Variants in IFT80 observed in about 807,000 individuals in gnomAD.
The protein encoded by IFT80 is intraflagellar transport 80.
In IFT80, 79 loss-of-function variants were observed where a neutral mutation model predicts 107.9. That is an observed-to-expected ratio of 0.73 (90% CI 0.61 to 0.88). The LOEUF (loss-of-function observed/expected upper bound fraction) is 0.88, where lower values mean the gene tolerates loss of function less well. IFT80 is among the 40% of genes least tolerant of loss of function. IFT80 has a pLI of 0.00. For synonymous variants in IFT80, 299 were observed against 300.9 expected (o/e 0.99, Z 0.07); for missense variants, 797 against 914.2 (o/e 0.87, Z 1.65).
Position 160,317,849 on chromosome 3 carries a change from G to T in IFT80, c.957+1911C>A, listed in dbSNP as rs536122381. On this transcript the variant is annotated intron_variant, in intron 9 of 19. Coordinates refer to ENST00000326448, the MANE Select transcript of IFT80 (RefSeq NM_020800.3). ...GAAGGGGACTCTTCAGACCAAAAGA[G>T]ACTTAAAAGATACATCAGCCATTGC... 1.2e-4 allele frequency among the ~76,000 whole-genome samples: 18 copies of T among 152,068 alleles called. No individual in the cohort carries two copies. In the South Asian group the frequency reaches 3.5e-3, roughly 30 times the overall value.
intron 8 of IFT80, among the ~76,000 whole-genome samples, chr3:160,334,322 T>C (rs1719303196): frequency 6.6e-6 from 1 of 152,154 alleles, no homozygotes; most frequent in Non-Finnish European, 1.5e-5. Context: ...ATGTTATTAG[T>C]TGATAATTGT....
At chr3:160,262,109 A>G (rs1712892744) in intron 19 of IFT80, among the ~76,000 whole-genome samples, 2 of 152,076 alleles carry the variant, frequency 1.3e-5, no homozygotes, top group Non-Finnish European at 2.9e-5. Context: ...TATTGATGGG[A>G]GAGATAGGTG....
intron 8 of IFT80, among the ~76,000 whole-genome samples, chr3:160,346,159 TAGAC>T (rs1194116400): frequency 2.6e-5 from 4 of 152,198 alleles, no homozygotes; most frequent in South Asian, 4.1e-4. Flanking sequence ...AAGTTTCAGT[TAGAC>T]AGGACAGAAA....
intron 1 of IFT80, among the ~76,000 whole-genome samples, chr3:160,395,054 G>A (rs1161955042): frequency 1.3e-5 from 2 of 152,168 alleles, no homozygotes; most frequent in Non-Finnish European, 2.9e-5. Flanking sequence ...AATGCTCACA[G>A]TATTATTTAA....
In IFT80 at chr3:160,319,795, A is replaced by T; in HGVS notation, c.922T>A (p.Phe308Ile). The T allele has an allele frequency of 6.2e-7, 1 of 1,613,000 alleles. No homozygotes were observed. The highest frequency in any genetic ancestry group is 8.5e-7 in the Non-Finnish European group (1 of 1,179,246). The change falls in exon 9 of 20, where the codon TTT (phenylalanine) becomes ATT (isoleucine). Residue 308 changes from phenylalanine to isoleucine, a missense_variant. Coordinates refer to ENST00000326448, the MANE Select transcript of IFT80 (RefSeq NM_020800.3). Reference protein sequence around the residue: ...VVEQHWEWKNFQVTLTKRRAM... With the variant: ...VVEQHWEWKNIQVTLTKRRAM... ...CTTCTTTTCGTTAATGTTACTTGAA[A>T]ATTTTTCCACTCCCAATGTTGTTCC...
chr3:160,387,247 T>A (rs2108413330), intron 1 of IFT80, among the ~76,000 whole-genome samples: 1 of 152,342 alleles, frequency 6.6e-6, no homozygotes, highest in South Asian at 2.1e-4. Context: ...GGCTCACGCC[T>A]GTAATCCCAG....
intron 18 of IFT80, among the ~76,000 whole-genome samples, chr3:160,276,295 C>T (rs1714261722): frequency 6.6e-6 from 1 of 151,676 alleles, no homozygotes; most frequent in Non-Finnish European, 1.5e-5. Flanking sequence ...GATCATTAGC[C>T]ATAAATTAAA....
intron 12 of IFT80, among the ~76,000 whole-genome samples, chr3:160,293,202 AT>A (rs1408032880): frequency 6.6e-6 from 1 of 152,254 alleles, no homozygotes; most frequent in Non-Finnish European, 1.5e-5. Flanking sequence ...ACATGAAAAG[AT>A]GAAGCCATAT....
intron 1 of IFT80, among the ~76,000 whole-genome samples, chr3:160,389,127 C>G (rs1338123025): frequency 2.6e-5 from 4 of 151,960 alleles, no homozygotes. Context: ...TGGGTGGGAC[C>G]AAGAATTAAA....
At chr3:160,293,896 G>A (rs531366270) in intron 12 of IFT80, among the ~76,000 whole-genome samples, 1 of 152,244 alleles carries the variant, frequency 6.6e-6, no homozygotes, top group Admixed American at 6.5e-5. Flanking sequence ...GTATTCTCTA[G>A]ACACCAAAAC....
chr3:160,318,445 G>C (rs1717977454), intron 9 of IFT80, among the ~76,000 whole-genome samples: 1 of 151,984 alleles, frequency 6.6e-6, no homozygotes, highest in African/African-American at 2.4e-5. Flanking sequence ...ATAAGAGGAA[G>C]GTCGAATCCT....
chr3:160,384,450 A>T (rs1322632446), intron 2 of IFT80, 114 bp downstream of exon 2: 1 of 1,390,426 alleles, frequency 7.2e-7, no homozygotes, highest in Non-Finnish European at 9.4e-7. Context: ...GTAAACAGCC[A>T]CTAAAGGAAT....
At chr3:160,384,506 T>C in intron 2 of IFT80, 58 bp downstream of exon 2, 1 of 1,390,454 alleles carries the variant, frequency 7.2e-7, no homozygotes, top group South Asian at 1.4e-5. Context: ...ATAGAGAAAC[T>C]TTTAACAATA....
intron 8 of IFT80, among the ~76,000 whole-genome samples, chr3:160,353,283 G>C (rs1315294039): frequency 6.6e-6 from 1 of 152,028 alleles, no homozygotes; most frequent in Non-Finnish European, 1.5e-5. Flanking sequence ...GCTGTTCAAA[G>C]AAAATCTTAT....
chr3:160,395,679 C>A (rs1419342564), intron 1 of IFT80, among the ~76,000 whole-genome samples: 1 of 152,110 alleles, frequency 6.6e-6, no homozygotes, highest in East Asian at 1.9e-4. Context: ...AAGGGGAGAG[C>A]CAAAAGGTGC....
At chr3:160,348,504 C>G (rs1720453419) in intron 8 of IFT80, among the ~76,000 whole-genome samples, 2 of 152,158 alleles carry the variant, frequency 1.3e-5, no homozygotes, top group Non-Finnish European at 2.9e-5. Context: ...AGTAGGCAGA[C>G]AGCCACTTTG....
intron 11 of IFT80, among the ~76,000 whole-genome samples, chr3:160,303,188 T>C (rs1039268015): frequency 6.6e-6 from 1 of 152,340 alleles, no homozygotes; most frequent in Admixed American, 6.5e-5. Flanking sequence ...ATATTTTAGG[T>C]AACTGTCAAT....
At position 160,285,872 on chromosome 3, in the gene IFT80, GA is replaced by G; in HGVS notation, c.1316-5del. ...GATGCCTCAAAGAGGAAGATTACTTGAAAAAAAGTAGAACATTAATTAATGT... is the reference window on the plus strand; with the variant it reads ...GATGCCTCAAAGAGGAAGATTACTTGAAAAAAGTAGAACATTAATTAATGT... On this transcript the variant is annotated splice_polypyrimidine_tract_variant and splice_region_variant and intron_variant, in intron 12 of 19. Transcript: ENST00000326448. The G allele has an allele frequency of 2.5e-6, 4 of 1,602,220 alleles. No individual in the cohort carries two copies. Among genetic ancestry groups the G allele is most frequent in the South Asian group, 1.1e-5 (1 of 90,256 alleles).
intron 8 of IFT80, among the ~76,000 whole-genome samples, chr3:160,330,437 G>A (rs945275783): frequency 4.6e-5 from 7 of 152,106 alleles, no homozygotes; most frequent in Non-Finnish European, 1.0e-4. Context: ...CTTCTCCTAG[G>A]TATGTGAATA....
Sources: gnomAD v4.1 joint callset for allele counts (sites outside exome capture counted in the v4.1 genomes callset) on GRCh38, gnomAD v4.1.1 for gene constraint, MANE v1.5 for transcripts, NCBI Gene and HGNC (gene_info 2026-07-23, HGNC 2026-07-21) for gene names.